PET117: variants seen among roughly 807,000 people sequenced by gnomAD.
PET117 encodes protein PET117 homolog, mitochondrial.
PET117 carries 10 observed loss-of-function variants against 9.2 expected under a neutral mutation model. The observed-to-expected ratio is 1.09, with a 90% confidence interval of 0.67 to 1.85. The LOEUF (loss-of-function observed/expected upper bound fraction) is 1.85. Among genes scored for constraint, PET117 ranks in the 40% most tolerant of loss-of-function variants. PET117 has a pLI of 0.00. For missense variants in PET117, 96 were observed against 98.2 expected (o/e 0.98, Z 0.09); for synonymous variants, 43 against 37.1 (o/e 1.16, Z -0.57).
At position 18,137,867 on chromosome 20, in the gene PET117, C is replaced by CTGGGCAGTACAGGCGGCGG. The variant is rs1417914564; in HGVS notation, c.-86_-68dup. On this transcript the variant is annotated 5_prime_UTR_variant, in exon 1 of 2. Coordinates refer to ENST00000432901, the MANE Select transcript of PET117 (RefSeq NM_001164811.2). Reference sequence around the variant, plus strand: ...GGGCTCTGCGCTCGAGGGGTCGAGCCTGGGCAGTACAGGCGGCGGTGCGCA... The same window carrying CTGGGCAGTACAGGCGGCGG: ...GGGCTCTGCGCTCGAGGGGTCGAGCCTGGGCAGTACAGGCGGCGGTGGGCAGTACAGGCGGCGGTGCGCA... 1 of 1,323,980 alleles carries CTGGGCAGTACAGGCGGCGG rather than the reference C, an allele frequency of 7.6e-7. No homozygotes were observed. The highest frequency in any genetic ancestry group is 3.6e-5 in the Admixed American group (1 of 28,034). The allele number at this position is 1,323,980 out of a possible 1,614,324, so 82.0% of individuals were successfully genotyped here.
Position 18,142,644 on chromosome 20 carries a change from C to T in PET117, c.*287C>T. 3 of 1,613,488 alleles carry T rather than the reference C, an allele frequency of 1.9e-6. No individual in the cohort carries two copies. Among genetic ancestry groups the T allele is most frequent in the Non-Finnish European group, 2.5e-6 (3 of 1,179,502 alleles). On this transcript the variant is annotated 3_prime_UTR_variant, in exon 2 of 2. Coordinates refer to ENST00000432901, the MANE Select transcript of PET117 (RefSeq NM_001164811.2). The stretch of plus-strand genomic sequence containing the variant: ...GTTGTTACTGAGAAGCACTGCCGAG[C>T]TTGTGAGAAGGAAGGGATGGATAGT...
chr20:18,141,047 A>AT (rs59461611), intron 1 of PET117, among the ~76,000 whole-genome samples: 25,902 of 91,794 alleles, frequency 0.28, 3,276 homozygotes, highest in Non-Finnish European at 0.34. Flanking sequence ...TTTTTTTTTT[A>AT]TTTTTATTTT....
At chr20:18,139,843 G>A (rs2037461925) in intron 1 of PET117, among the ~76,000 whole-genome samples, 2 of 152,140 alleles carry the variant, frequency 1.3e-5, no homozygotes, top group Admixed American at 6.5e-5. Flanking sequence ...CACATACCAG[G>A]CAGTGTATTA....
At chr20:18,141,023 A>ATTTTTTTTTTTTTT (rs67633205) in intron 1 of PET117, among the ~76,000 whole-genome samples, 2 of 48,758 alleles carry the variant, frequency 4.1e-5, no homozygotes, top group African/African-American at 1.1e-4. Flanking sequence ...ACTCCCTGCA[A>ATTTTTTTTTTTTTT]TTTTTTTTTT....
In PET117 at chr20:18,138,030, G is replaced by T. The variant is rs577014319; in HGVS notation, c.75G>T (p.Val25=). The change falls in exon 1 of 2, where the codon GTG becomes GTT. Residue 25 remains valine, a synonymous_variant. Coordinates refer to ENST00000432901, the MANE Select transcript of PET117 (RefSeq NM_001164811.2). The part of the protein sequence containing the change: ...LTAATVAGVH[V]KQQWDQQRLR... ...CGGCCACAGTGGCCGGCGTACATGT[G>T]AAGCAGCAGTGGGACCAGCAGGTCG... is the stretch of plus-strand genomic sequence containing the variant. 1.5e-5 allele frequency: 22 copies of T among 1,492,810 alleles called. No individual in the cohort carries two copies. In the African/African-American group the frequency reaches 3.2e-4, roughly 22 times the overall value. 92.5% of individuals were successfully genotyped at this position (1,492,810 alleles called of 1,614,324 possible). A position where few individuals can be genotyped will look rare whatever the true frequency, so the allele number is the denominator to read the frequency against.
Position 18,142,325 on chromosome 20 carries a change from A to G in PET117, c.214A>G (p.Met72Val). The change falls in exon 2 of 2, where the codon ATG becomes GTG. Residue 72 changes from methionine to valine, a missense_variant. Coordinates refer to ENST00000432901, the MANE Select transcript of PET117 (RefSeq NM_001164811.2). ...GCAACTTGAAGCAGAAAGAGAGAAG[A>G]TGTTATTGGCAAAAGGATCTCAAAA... ...TEQLEAEREK[M>V]LLAKGSQKS 1 of 1,536,898 alleles carries G rather than the reference A, an allele frequency of 6.5e-7. No individual in the cohort carries two copies. Among genetic ancestry groups the G allele is most frequent in the Non-Finnish European group, 8.7e-7 (1 of 1,146,698 alleles).
At chr20:18,142,110 A>G in intron 1 of PET117, 98 bp from the exon 2 acceptor site, 1 of 1,232,264 alleles carries the variant, frequency 8.1e-7, no homozygotes, top group Non-Finnish European at 1.1e-6. Context: ...TGAAAGTTTT[A>G]AGTATATTTT....
chr20:18,139,493 C>G (rs1322093188), intron 1 of PET117, among the ~76,000 whole-genome samples: 1 of 152,072 alleles, frequency 6.6e-6, no homozygotes, highest in Non-Finnish European at 1.5e-5. Flanking sequence ...ACCATTTAAA[C>G]CAGAATCTCC....
intron 1 of PET117, among the ~76,000 whole-genome samples, chr20:18,139,236 C>T (rs1332525679): frequency 1.3e-5 from 2 of 152,110 alleles, no homozygotes; most frequent in Middle Eastern, 3.2e-3. Context: ...AAATGTGCTC[C>T]TAAGGGGCTG....
intron 1 of PET117, 176 bp downstream of exon 1, chr20:18,138,227 G>T: frequency 2.4e-6 from 3 of 1,256,070 alleles, no homozygotes; most frequent in Non-Finnish European, 3.0e-6. Context: ...GCTGGGCTCC[G>T]GGCGCTGCAG....
intron 1 of PET117, among the ~76,000 whole-genome samples, chr20:18,138,705 T>C (rs778531815): frequency 6.6e-6 from 1 of 152,214 alleles, no homozygotes; most frequent in Admixed American, 6.5e-5. Flanking sequence ...ATTTTTTTTT[T>C]TGGTACTTTT....
rs1391568121 is a variant in PET117, at chr20:18,142,810, A to C, written c.*453A>C. On this transcript the variant is annotated 3_prime_UTR_variant, in exon 2 of 2. Transcript: ENST00000432901. ...CCGAGGATCAGGCATCAGTGGACTT[A>C]TCGCACGACCAGAGTGGGGATTCCC... 1 of 1,614,104 alleles carries C rather than the reference A, an allele frequency of 6.2e-7. No individual in the cohort carries two copies. Among genetic ancestry groups the C allele is most frequent in the Non-Finnish European group, 8.5e-7 (1 of 1,180,046 alleles).
chr20:18,138,228 G>T, intron 1 of PET117, 177 bp downstream of exon 1: 1 of 1,256,796 alleles, frequency 8.0e-7, no homozygotes, highest in Non-Finnish European at 1.0e-6. Context: ...CTGGGCTCCG[G>T]GCGCTGCAGC....
In PET117 at chr20:18,138,034, C is replaced by T. The variant is rs2037358753; in HGVS notation, c.79C>T (p.Gln27Ter). The T allele has an allele frequency of 2.7e-6, 4 of 1,494,208 alleles. No individual in the cohort carries two copies. The highest frequency in any genetic ancestry group is 1.7e-4 in the Middle Eastern group (1 of 5,868). The allele number at this position is 1,494,208 out of a possible 1,614,324, so 92.6% of individuals were successfully genotyped here. ...CACAGTGGCCGGCGTACATGTGAAG[C>T]AGCAGTGGGACCAGCAGGTCGGTGT... Reference protein sequence around the residue: ...AATVAGVHVKQQWDQQRLRDG... With the variant: ...AATVAGVHVK Residue 27 changes from glutamine (Q) to a stop codon, truncating the protein, a stop_gained, in exon 1 of 2, where the codon CAG (glutamine) becomes TAG (stop). Transcript: ENST00000432901. LOFTEE classifies it high-confidence loss of function.
In PET117 at chr20:18,137,930, G is replaced by C. The variant is rs1187697069; in HGVS notation, c.-26G>C. The stretch of plus-strand genomic sequence containing the variant: ...CTCTGCGCCTCGGGCGGGCGGGAGA[G>C]AGAGGCCGCGGCCGCCAGCGTGGGG... On this transcript the variant is annotated 5_prime_UTR_variant, in exon 1 of 2. Transcript: ENST00000432901. The C allele has an allele frequency of 1.4e-6, 2 of 1,477,156 alleles. No individual in the cohort carries two copies. The highest frequency in any genetic ancestry group is 4.8e-5 in the Admixed American group (2 of 41,856). 91.5% of individuals were successfully genotyped at this position (1,477,156 alleles called of 1,614,324 possible). A position where few individuals can be genotyped will look rare whatever the true frequency, so the allele number is the denominator to read the frequency against.
intron 1 of PET117, among the ~76,000 whole-genome samples, chr20:18,141,051 T>TTTTTTTTTTTTTTTTTTTG (rs58888387): frequency 6.4e-5 from 7 of 109,702 alleles, no homozygotes; most frequent in Admixed American, 1.1e-4. Context: ...TTTTTTATTT[T>TTTTTTTTTTTTTTTTTTTG]TATTTTTGCT....
At chr20:18,141,023 ATTT>A (rs67633205) in intron 1 of PET117, among the ~76,000 whole-genome samples, 4 of 48,760 alleles carry the variant, frequency 8.2e-5, no homozygotes, top group Admixed American at 3.0e-4. Context: ...ACTCCCTGCA[ATTT>A]TTTTTTTTTT....
At chr20:18,140,868 A>G (rs2037522138) in intron 1 of PET117, among the ~76,000 whole-genome samples, 1 of 146,138 alleles carries the variant, frequency 6.8e-6, no homozygotes, top group Non-Finnish European at 1.5e-5. Context: ...AACCCTATTT[A>G]TTTATTTTGA....
chr20:18,139,633 CGTGTGTGTGTGTGTGTGTGTGTGT>C (rs71194228), intron 1 of PET117, among the ~76,000 whole-genome samples: 5 of 141,634 alleles, frequency 3.5e-5, no homozygotes, highest in African/African-American at 7.6e-5. Context: ...ACCAAAATAA[CGTGTGTGTGTGTGTGTGTGTGTGT>C]GTGTGTGTGT....
Sources: gnomAD v4.1 joint callset for allele counts (sites outside exome capture counted in the v4.1 genomes callset) on GRCh38, gnomAD v4.1.1 for gene constraint, MANE v1.5 for transcripts, NCBI Gene and HGNC (gene_info 2026-07-23, HGNC 2026-07-21) for gene names.